DYNC1I1: variants seen among roughly 807,000 people sequenced by gnomAD.
DYNC1I1 encodes the protein dynein cytoplasmic 1 intermediate chain 1.
A neutral mutation model predicts 86.6 loss-of-function variants in DYNC1I1; 43 were observed. The observed-to-expected ratio is 0.50, with a 90% CI of 0.39 to 0.64. DYNC1I1 has a LOEUF of 0.64. DYNC1I1 is among the 30% of genes least tolerant of loss of function. The pLI is 0.00. For missense variants in DYNC1I1, 604 were observed against 788.8 expected (o/e 0.77, Z 2.81); for synonymous variants, 262 against 283.7 (o/e 0.92, Z 0.77).
At chr7:96,092,290 AAAC>A (rs1385050330) in intron 16 of DYNC1I1, among the ~76,000 whole-genome samples, 1 of 152,226 alleles carries the variant, frequency 6.6e-6, no homozygotes, top group African/African-American at 2.4e-5. Context: ...TAAGAAGGAA[AAAC>A]AACATCATGT....
At chr7:95,876,417 A>T (rs553206354) in intron 6 of DYNC1I1, among the ~76,000 whole-genome samples, 2 of 152,268 alleles carry the variant, frequency 1.3e-5, no homozygotes, top group South Asian at 4.1e-4. Flanking sequence ...TTTCTCCCTC[A>T]ATTAAACTTG....
At chr7:96,024,500 T>A (rs2115935964) in intron 10 of DYNC1I1, among the ~76,000 whole-genome samples, 1 of 152,320 alleles carries the variant, frequency 6.6e-6, no homozygotes, top group East Asian at 1.9e-4. Context: ...ACTATAAAAA[T>A]ATCTATACAC....
intron 6 of DYNC1I1, among the ~76,000 whole-genome samples, chr7:95,873,208 AG>A (rs1168378210): frequency 6.6e-6 from 1 of 152,170 alleles, no homozygotes; most frequent in African/African-American, 2.4e-5. Context: ...TCTCTCTCAA[AG>A]GGAGAGTAAT....
intron 6 of DYNC1I1, among the ~76,000 whole-genome samples, chr7:95,933,801 T>A (rs1370465107): frequency 2.6e-5 from 4 of 152,112 alleles, no homozygotes; most frequent in Non-Finnish European, 5.9e-5. Context: ...GTCGCCCTTG[T>A]TATGCCACCC....
intron 10 of DYNC1I1, among the ~76,000 whole-genome samples, chr7:96,024,629 T>C (rs1221527518): frequency 1.3e-5 from 2 of 152,170 alleles, no homozygotes; most frequent in Non-Finnish European, 2.9e-5. Flanking sequence ...AATAACAATA[T>C]AAAATTTCAA....
At chr7:95,794,910 A>T (rs1355299748) in intron 1 of DYNC1I1, among the ~76,000 whole-genome samples, 1 of 152,196 alleles carries the variant, frequency 6.6e-6, no homozygotes. Context: ...AATCAACATA[A>T]TGTTTCAACT....
intron 14 of DYNC1I1, among the ~76,000 whole-genome samples, chr7:96,072,875 A>G (rs1250580578): frequency 2.0e-5 from 3 of 152,224 alleles, no homozygotes; most frequent in Non-Finnish European, 4.4e-5. Flanking sequence ...AAAATATTTT[A>G]TGCATGAGAC....
At chr7:95,902,270 T>A (rs1791058613) in intron 6 of DYNC1I1, among the ~76,000 whole-genome samples, 1 of 152,202 alleles carries the variant, frequency 6.6e-6, no homozygotes, top group South Asian at 2.1e-4. Flanking sequence ...ATAGTTAGCA[T>A]GTAGAAAAAT....
At chr7:95,778,227 G>T (rs1191323327) in intron 1 of DYNC1I1, among the ~76,000 whole-genome samples, 1 of 152,148 alleles carries the variant, frequency 6.6e-6, no homozygotes, top group Admixed American at 6.5e-5. Context: ...ATGGAAAAAG[G>T]GGCCCCGAAT....
At chr7:96,101,208 A>T (rs1330232037), downstream of DYNC1I1, among the ~76,000 whole-genome samples, 2 of 152,222 alleles carry the variant, frequency 1.3e-5, no homozygotes, top group Non-Finnish European at 2.9e-5. Flanking sequence ...AATTAAAAGA[A>T]CGTGGCATTC....
At chr7:95,902,452 C>T (rs939320006) in intron 6 of DYNC1I1, among the ~76,000 whole-genome samples, 1 of 152,142 alleles carries the variant, frequency 6.6e-6, no homozygotes, top group African/African-American at 2.4e-5. Context: ...TTCTACAGCA[C>T]AAGGCAGCTG....
chr7:95,867,707 GGT>G (rs961549680), intron 5 of DYNC1I1, among the ~76,000 whole-genome samples: 39 of 152,230 alleles, frequency 2.6e-4, no homozygotes, highest in African/African-American at 9.4e-4. Context: ...GTCTCATGCA[GGT>G]GCCCAGGGCA....
chr7:95,773,549 A>G (rs1466125005), intron 1 of DYNC1I1, among the ~76,000 whole-genome samples: 4 of 152,140 alleles, frequency 2.6e-5, no homozygotes. Flanking sequence ...GAAGCCCAGG[A>G]TCAGGACAGG....
At chr7:95,942,586 C>A (rs1053914603) in intron 6 of DYNC1I1, among the ~76,000 whole-genome samples, 1 of 152,088 alleles carries the variant, frequency 6.6e-6, no homozygotes, top group East Asian at 1.9e-4. Context: ...GAATTTTAGA[C>A]CAATATCCTT....
At chr7:95,824,423 C>G (rs2115905835) in intron 4 of DYNC1I1, among the ~76,000 whole-genome samples, 1 of 152,176 alleles carries the variant, frequency 6.6e-6, no homozygotes, top group East Asian at 1.9e-4. Context: ...ATGTTCTTAT[C>G]AAAATCTTCT....
intron 14 of DYNC1I1, among the ~76,000 whole-genome samples, chr7:96,057,571 A>G (rs1789616086): frequency 6.6e-6 from 1 of 152,210 alleles, no homozygotes; most frequent in Non-Finnish European, 1.5e-5. Context: ...ACACTCCTAT[A>G]GTCAGAAAAC....
chr7:95,949,402 G>C (rs1792493021), intron 6 of DYNC1I1, among the ~76,000 whole-genome samples: 1 of 152,202 alleles, frequency 6.6e-6, no homozygotes, highest in South Asian at 2.1e-4. Context: ...GGGTGGAAGT[G>C]ATGCGTAATT....
intron 16 of DYNC1I1, among the ~76,000 whole-genome samples, chr7:96,096,765 A>C (rs377554564): frequency 5.7e-4 from 87 of 152,260 alleles, no homozygotes; most frequent in Non-Finnish European, 9.7e-4. Context: ...TCATACTGGA[A>C]CCAGATTCCA....
At chr7:96,018,666 T>G (rs1794458955) in intron 10 of DYNC1I1, among the ~76,000 whole-genome samples, 1 of 152,180 alleles carries the variant, frequency 6.6e-6, no homozygotes, top group Non-Finnish European at 1.5e-5. Flanking sequence ...TTTTTATTTA[T>G]CATTTTCTAA....
Sources: gnomAD v4.1 joint callset for allele counts (sites outside exome capture counted in the v4.1 genomes callset) on GRCh38, gnomAD v4.1.1 for gene constraint, MANE v1.5 for transcripts, NCBI Gene and HGNC (gene_info 2026-07-23, HGNC 2026-07-21) for gene names.